Variants in FAXC observed in about 807,000 individuals in gnomAD.
FAXC encodes the protein failed axon connections homolog.
In FAXC, 10 loss-of-function variants were observed where a neutral mutation model predicts 41.9. The ratio of observed to expected loss-of-function variants is 0.24; its 90% CI spans 0.15 to 0.41. FAXC has a LOEUF of 0.41. Ranked by LOEUF, FAXC falls within the 10% of genes least tolerant of loss-of-function variation. FAXC has a pLI of 1.00. For missense variants in FAXC, 399 were observed against 510.9 expected, an observed-to-expected ratio of 0.78 and a Z score of 2.11; for synonymous variants, 183 against 183.8, an observed-to-expected ratio of 1.00 and a Z score of 0.03.
intron 3 of FAXC, 132 bp from the exon 4 acceptor site, chr6:99,323,799 C>A: frequency 1.5e-6 from 1 of 669,442 alleles, no homozygotes; most frequent in East Asian, 2.7e-5. Flanking sequence ...TAATAAAGAG[C>A]AATCTGCATG....
chr6:99,285,151 T>C lies in FAXC; in HGVS notation c.941-3698A>G, dbSNP rs142776136. Among the ~76,000 whole-genome samples, 425 of 152,254 alleles carry C rather than the reference T, an allele frequency of 2.8e-3. 3 individuals carry two copies. The highest frequency in any genetic ancestry group is 9.8e-3 in the African/African-American group (409 of 41,546). On this transcript the variant is annotated intron_variant, in intron 5 of 5. Transcript: ENST00000389677. ...TTGGAAAGTAATCTGATGTTATCTA[T>C]CAAAAATTTAAATGTGCATATCTCT... is the stretch of plus-strand genomic sequence containing the variant.
At chr6:99,300,839 A>G (rs1771675820) in intron 4 of FAXC, among the ~76,000 whole-genome samples, 1 of 152,212 alleles carries the variant, frequency 6.6e-6, no homozygotes, top group Admixed American at 6.5e-5. Context: ...GAAAGAACAC[A>G]ATGTCATGTT....
intron 4 of FAXC, among the ~76,000 whole-genome samples, chr6:99,310,325 C>A (rs1303952593): frequency 6.6e-6 from 1 of 152,236 alleles, no homozygotes; most frequent in African/African-American, 2.4e-5. Context: ...AGTGCCCTCA[C>A]GCGGCCCTTC....
At chr6:99,293,883 T>C (rs1009053129) in intron 4 of FAXC, among the ~76,000 whole-genome samples, 1 of 152,064 alleles carries the variant, frequency 6.6e-6, no homozygotes, top group Non-Finnish European at 1.5e-5. Flanking sequence ...CTTTCACCGT[T>C]CTTGAGTGAC....
chr6:99,324,221 A>T (rs1039227838), intron 3 of FAXC, among the ~76,000 whole-genome samples: 2 of 151,970 alleles, frequency 1.3e-5, no homozygotes, highest in African/African-American at 2.4e-5. Flanking sequence ...AAAATTTCTG[A>T]AAGAAACCTT....
At chr6:99,281,999 G>A (rs1036090363) in intron 5 of FAXC, among the ~76,000 whole-genome samples, 1 of 152,118 alleles carries the variant, frequency 6.6e-6, no homozygotes, top group Non-Finnish European at 1.5e-5. Flanking sequence ...AAATATTTAG[G>A]TTTTTATGCA....
Position 99,301,703 on chromosome 6 carries a change from C to T in FAXC, c.824-9883G>A, listed in dbSNP as rs188901884. On this transcript the variant is annotated intron_variant, in intron 4 of 5. Transcript: ENST00000389677. Reference sequence around the variant, plus strand: ...CTAATAATAATAGTCCCTGGAGAGACTGAAAGATAAGATTCTACTTCTACA... The same window carrying T: ...CTAATAATAATAGTCCCTGGAGAGATTGAAAGATAAGATTCTACTTCTACA... 1.2e-4 allele frequency among the ~76,000 whole-genome samples: 19 copies of T among 152,246 alleles called. No homozygotes were observed. In the East Asian group the frequency reaches 3.1e-3, roughly 25 times the overall value.
intron 4 of FAXC, among the ~76,000 whole-genome samples, chr6:99,320,493 G>A (rs1562173016): frequency 6.6e-6 from 1 of 152,068 alleles, no homozygotes; most frequent in Non-Finnish European, 1.5e-5. Context: ...CACTATGCCT[G>A]TCTCCTGTCT....
chr6:99,284,561 G>C (rs1280413840), intron 5 of FAXC, among the ~76,000 whole-genome samples: 1 of 21,320 alleles, frequency 4.7e-5, no homozygotes, highest in Non-Finnish European at 9.6e-5. Flanking sequence ...TGGAGTGTCT[G>C]TGTGTGTGTG....
intron 4 of FAXC, among the ~76,000 whole-genome samples, chr6:99,317,648 C>T (rs1165185658): frequency 6.6e-6 from 1 of 152,208 alleles, no homozygotes; most frequent in Non-Finnish European, 1.5e-5. Context: ...TTCAACCTTT[C>T]TGTGCCTCGT....
At chr6:99,301,777 G>A (rs1029234463) in intron 4 of FAXC, among the ~76,000 whole-genome samples, 5 of 152,144 alleles carry the variant, frequency 3.3e-5, no homozygotes, top group Non-Finnish European at 5.9e-5. Context: ...AACTGAGATC[G>A]GGTACTTGCC....
chr6:99,333,558 T>C lies in FAXC; in HGVS notation c.403-11A>G. 6.4e-7 allele frequency: 1 copy of C among 1,574,404 alleles called. No individual in the cohort carries two copies. The highest frequency in any genetic ancestry group is 8.6e-7 in the Non-Finnish European group (1 of 1,164,266). Reference sequence around the variant, plus strand: ...TCCACCAAAATAGTTCTAAGCAGAGTACATTTTTAAAAAGAGAAAAGCAAT... The same window carrying C: ...TCCACCAAAATAGTTCTAAGCAGAGCACATTTTTAAAAAGAGAAAAGCAAT... On this transcript the variant is annotated splice_polypyrimidine_tract_variant and intron_variant, in intron 2 of 5. Transcript: ENST00000389677.
At chr6:99,327,272 T>C (rs1429313274) in intron 3 of FAXC, among the ~76,000 whole-genome samples, 1 of 152,162 alleles carries the variant, frequency 6.6e-6, no homozygotes, top group Non-Finnish European at 1.5e-5. Context: ...CATAGATTCC[T>C]AAATCAACTA....
chr6:99,279,883 A>T lies in FAXC; in HGVS notation c.*1281T>A, dbSNP rs1299776507. 1 of 152,234 alleles carries T rather than the reference A, an allele frequency of 6.6e-6. No individual in the cohort carries two copies. The highest frequency in any genetic ancestry group is 6.5e-5 in the Admixed American group (1 of 15,282). 9.4% of individuals were successfully genotyped at this position (152,234 alleles called of 1,614,324 possible). On this transcript the variant is annotated 3_prime_UTR_variant, in exon 6 of 6. Transcript: ENST00000389677. ...AAGTTGCATTAATAAAACTGCATAT[A>T]GTCTAACACTGCACAGAGTGCTTTG...
At chr6:99,326,211 AG>A (rs1472820596) in intron 3 of FAXC, among the ~76,000 whole-genome samples, 2 of 152,256 alleles carry the variant, frequency 1.3e-5, no homozygotes, top group Non-Finnish European at 2.9e-5. Flanking sequence ...ATGTAAAGGA[AG>A]AACTGGAAGG....
rs914181166 is a variant in FAXC at position 99,332,512 on chromosome 6, T to C, written c.599+839A>G. 2.6e-5 allele frequency among the ~76,000 whole-genome samples: 4 copies of C among 152,126 alleles called. No homozygotes were observed. In the East Asian group the frequency reaches 7.7e-4, roughly 29 times the overall value. On this transcript the variant is annotated intron_variant, in intron 3 of 5. Coordinates refer to ENST00000389677, the MANE Select transcript of FAXC (RefSeq NM_032511.4). ...GATGAAAGAAAAATTTCAAAAACCA[T>C]AGACTAATGAGTTTGTAAAGCAAGA...
chr6:99,289,266 G>A (rs1054403852), intron 5 of FAXC, among the ~76,000 whole-genome samples: 7 of 152,114 alleles, frequency 4.6e-5, no homozygotes, highest in Non-Finnish European at 7.3e-5. Context: ...ACTATGCAGG[G>A]GAAGCCTCTC....
At position 99,273,264 on chromosome 6, in the gene FAXC, C is replaced by T. The variant is rs1472997077; in HGVS notation, c.*7900G>A. On this transcript the variant is annotated 3_prime_UTR_variant, in exon 6 of 6. Transcript: ENST00000389677. ...GGTTCAAATTATGCCAACATTGGCC[C>T]TTCCTATCTCAGATACCTAAAAATA... The T allele has an allele frequency of 6.6e-6, 1 of 151,962 alleles. No homozygotes were observed. Among genetic ancestry groups the T allele is most frequent in the African/African-American group, 2.4e-5 (1 of 41,342 alleles). The allele number at this position is 151,962 out of a possible 1,614,324, so 9.4% of individuals were successfully genotyped here.
chr6:99,338,708 A>C lies in FAXC; in HGVS notation c.402+4190T>G, dbSNP rs139485730. Among the ~76,000 whole-genome samples the C allele has an allele frequency of 3.7e-4, 57 of 152,334 alleles. No individual in the cohort carries two copies. In the East Asian group the frequency reaches 0.01, roughly 27 times the overall value. On this transcript the variant is annotated intron_variant, in intron 2 of 5. Coordinates refer to ENST00000389677, the MANE Select transcript of FAXC (RefSeq NM_032511.4). ...TTCAATTTGAGTCTCCAAGTGACAC[A>C]CATCTTCAAGTGCTGACTGCCAAAA...
Sources: allele counts gnomAD v4.1 joint callset (sites outside exome capture counted in the v4.1 genomes callset), GRCh38; gene constraint gnomAD v4.1.1; transcripts MANE v1.5; gene names NCBI Gene and HGNC (gene_info 2026-07-23, HGNC 2026-07-21).